Variants in RANBP2 observed in about 807,000 individuals in gnomAD.
RANBP2 encodes the protein RAN binding protein 2, also known as E3 SUMO-protein ligase RanBP2.
Under a neutral mutation model 303.6 loss-of-function variants are expected in RANBP2, and 57 were observed. The ratio of observed to expected loss-of-function variants is 0.19; its 90% CI spans 0.15 to 0.23. The LOEUF (loss-of-function observed/expected upper bound fraction) is 0.23. RANBP2 is among the 10% of genes least tolerant of loss of function. RANBP2 has a pLI of 1.00. For synonymous variants in RANBP2, 1,167 were observed against 1,301.5 expected, an observed-to-expected ratio of 0.90 and a Z score of 2.23; for missense variants, 3,138 against 3,780.8, an observed-to-expected ratio of 0.83 and a Z score of 4.46.
At chr2:109,218,132 G>GAT in the RANBP2 span, among the ~76,000 whole-genome samples, 2 of 145,992 alleles carry the variant, frequency 1.4e-5, no homozygotes. Flanking sequence ...GAAAACCATT[G>GAT]TCCTCTCCTT....
the RANBP2 span, among the ~76,000 whole-genome samples, chr2:108,945,606 A>G: frequency 6.6e-6 from 1 of 152,214 alleles, no homozygotes; most frequent in African/African-American, 2.4e-5. Context: ...TGGAAATGAA[A>G]GGAAAATAAA....
At chr2:109,638,975 C>T in the RANBP2 span, among the ~76,000 whole-genome samples, 4 of 152,188 alleles carry the variant, frequency 2.6e-5, no homozygotes, top group Non-Finnish European at 5.9e-5. Context: ...AAAGCCTGCA[C>T]CCAGCAGATG....
At chr2:108,758,181 G>A (rs1053898818) in intron 17 of RANBP2, among the ~76,000 whole-genome samples, 39 of 151,700 alleles carry the variant, frequency 2.6e-4, no homozygotes, top group African/African-American at 8.0e-4. Context: ...CCTGTAATCC[G>A]AGCTACTCAG....
chr2:109,257,762 C>A, the RANBP2 span, among the ~76,000 whole-genome samples: 2 of 152,128 alleles, frequency 1.3e-5, no homozygotes, highest in African/African-American at 4.8e-5. Context: ...GCCCCAAGTG[C>A]AGAAACAAGG....
chr2:108,939,497 T>C, the RANBP2 span, among the ~76,000 whole-genome samples: 15 of 152,134 alleles, frequency 9.9e-5, no homozygotes, highest in African/African-American at 3.4e-4. Context: ...TCAGGAGGAC[T>C]GTCCCAAGTC....
the RANBP2 span, among the ~76,000 whole-genome samples, chr2:109,651,722 G>A: frequency 1.3e-5 from 2 of 152,230 alleles, no homozygotes; most frequent in African/African-American, 4.8e-5. Flanking sequence ...TTATGACAAG[G>A]AGGCCTGGGA....
the RANBP2 span, among the ~76,000 whole-genome samples, chr2:109,214,150 G>A: frequency 6.6e-6 from 1 of 152,214 alleles, no homozygotes; most frequent in East Asian, 1.9e-4. Context: ...GTCTAGGTAG[G>A]GGCCTCAGCA....
At chr2:109,549,457 G>A in the RANBP2 span, among the ~76,000 whole-genome samples, 96 of 152,278 alleles carry the variant, frequency 6.3e-4, no homozygotes, top group African/African-American at 2.2e-3. Context: ...ATTCACACTG[G>A]GTGGCATTTC....
At chr2:108,978,840 C>A in the RANBP2 span, among the ~76,000 whole-genome samples, 3 of 152,230 alleles carry the variant, frequency 2.0e-5, no homozygotes, top group East Asian at 5.8e-4. Flanking sequence ...AGCACAGCTG[C>A]AAATCTGGTT....
At chr2:109,295,989 T>C in the RANBP2 span, among the ~76,000 whole-genome samples, 5,646 of 152,142 alleles carry the variant, frequency 0.037, 264 homozygotes, top group African/African-American at 0.1. Context: ...TATAGCTTGG[T>C]TGGAGACTGA....
chr2:109,576,546 T>C, the RANBP2 span, among the ~76,000 whole-genome samples: 2 of 152,182 alleles, frequency 1.3e-5, no homozygotes, highest in African/African-American at 2.4e-5. Flanking sequence ...TGTGACCCAA[T>C]AGGATTTACT....
At chr2:108,847,611 C>T in the RANBP2 span, among the ~76,000 whole-genome samples, 1 of 152,130 alleles carries the variant, frequency 6.6e-6, no homozygotes, top group Non-Finnish European at 1.5e-5. Flanking sequence ...TTAGCTATAA[C>T]AGGTTATATT....
the RANBP2 span, among the ~76,000 whole-genome samples, chr2:108,846,127 G>A: frequency 3.9e-5 from 6 of 152,114 alleles, no homozygotes; most frequent in Non-Finnish European, 5.9e-5. Context: ...AGAAGGATGT[G>A]CCTGATAAGC....
chr2:108,842,150 CCTG>C, the RANBP2 span, among the ~76,000 whole-genome samples: 40 of 152,114 alleles, frequency 2.6e-4, no homozygotes, highest in African/African-American at 9.6e-4. Flanking sequence ...GCCTCAGCCT[CCTG>C]TGTAGCTAGG....
chr2:109,340,837 G>T, the RANBP2 span, among the ~76,000 whole-genome samples: 2 of 152,088 alleles, frequency 1.3e-5, no homozygotes, highest in South Asian at 2.1e-4. Context: ...CACCACAGAT[G>T]ACCTAACCGC....
At chr2:109,052,601 C>T in the RANBP2 span, among the ~76,000 whole-genome samples, 84 of 152,264 alleles carry the variant, frequency 5.5e-4, no homozygotes, top group African/African-American at 1.9e-3. Flanking sequence ...TTTCAAAATA[C>T]GAAATGCCTA....
the RANBP2 span, among the ~76,000 whole-genome samples, chr2:109,417,392 T>G: frequency 6.6e-6 from 1 of 152,114 alleles, no homozygotes; most frequent in Non-Finnish European, 1.5e-5. Context: ...CTGTCTCCCT[T>G]CATGGAGAGG....
chr2:108,762,828 T>TCA (rs70956277), intron 19 of RANBP2, among the ~76,000 whole-genome samples: 4 of 151,756 alleles, frequency 2.6e-5, no homozygotes, highest in Admixed American at 6.6e-5. Flanking sequence ...ATCATCATCA[T>TCA]TAACATCATT....
At position 108,765,761 on chromosome 2, in the gene RANBP2, C is replaced by T; in HGVS notation, c.5222C>T (p.Ala1741Val). The change falls in exon 20 of 29, where the codon GCT (alanine) becomes GTT (valine). Residue 1741 changes from alanine to valine, a missense_variant. Around this residue, in one of 20 missense-constraint regions of RANBP2, gnomAD observed 348 missense variants for 360.4 expected, o/e 0.97. Coordinates refer to ENST00000283195, the MANE Select transcript of RANBP2 (RefSeq NM_006267.5). ...TGCTTAGTAAGAAATGAAGCCAGTGCTACCAAATGTATTGCTTGTCAGTGT... is the reference window on the plus strand; with the variant it reads ...TGCTTAGTAAGAAATGAAGCCAGTGTTACCAAATGTATTGCTTGTCAGTGT... ...SVCLVRNEAS[A>V]TKCIACQCPS... 2 of 1,614,092 alleles carry T rather than the reference C, an allele frequency of 1.2e-6. No homozygotes were observed. The highest frequency in any genetic ancestry group is 2.2e-5 in the East Asian group (1 of 44,878).
Sources: gnomAD v4.1 joint callset for allele counts (sites outside exome capture counted in the v4.1 genomes callset) on GRCh38, gnomAD v4.1.1 for gene constraint, gnomAD v4.1.1 regional missense constraint, MANE v1.5 for transcripts, NCBI Gene and HGNC (gene_info 2026-07-23, HGNC 2026-07-21) for gene names.